INPP5A: variants seen among roughly 807,000 people sequenced by gnomAD.
The protein encoded by INPP5A is inositol polyphosphate-5-phosphatase A, also known as 43 kDa inositol polyphosphate 5-phophatase.
In INPP5A, 14 loss-of-function variants were observed where a neutral mutation model predicts 65.2. The observed-to-expected ratio is 0.21, with a 90% CI of 0.14 to 0.34. INPP5A has a LOEUF of 0.34. Among genes scored for constraint, INPP5A ranks in the 10% least tolerant of loss-of-function variants. The pLI is 1.00. For synonymous variants in INPP5A, 207 were observed against 208.3 expected (o/e 0.99, Z 0.05); for missense variants, 431 against 545.6 (o/e 0.79, Z 2.09).
chr10:132,677,496 C>T (rs915917052), intron 4 of INPP5A, among the ~76,000 whole-genome samples: 1 of 152,206 alleles, frequency 6.6e-6, no homozygotes, highest in African/African-American at 2.4e-5. Flanking sequence ...TGACTTTGCC[C>T]CCGCAGTGTG....
chr10:132,642,949 G>A (rs1327629778), intron 2 of INPP5A, among the ~76,000 whole-genome samples: 2 of 152,192 alleles, frequency 1.3e-5, no homozygotes, highest in Non-Finnish European at 2.9e-5. Context: ...CTGAGCTCAC[G>A]TTCCGTCCAG....
At chr10:132,681,582 C>G (rs2073045697) in intron 4 of INPP5A, among the ~76,000 whole-genome samples, 2 of 152,204 alleles carry the variant, frequency 1.3e-5, no homozygotes, top group African/African-American at 4.8e-5. Flanking sequence ...CCACCAATTC[C>G]GGACACAATA....
At chr10:132,568,065 C>T (rs2071293511) in intron 1 of INPP5A, among the ~76,000 whole-genome samples, 2 of 151,948 alleles carry the variant, frequency 1.3e-5, no homozygotes, top group South Asian at 2.1e-4. Flanking sequence ...GTGGTGCGTG[C>T]CTGTAGTCCC....
chr10:132,696,609 G>A (rs1845348005), intron 5 of INPP5A, among the ~76,000 whole-genome samples: 1 of 152,214 alleles, frequency 6.6e-6, no homozygotes, highest in South Asian at 2.1e-4. Flanking sequence ...GTGACACTCT[G>A]GAAAAGGCAG....
intron 11 of INPP5A, among the ~76,000 whole-genome samples, chr10:132,751,753 G>T (rs112847534): frequency 1.4e-5 from 2 of 146,918 alleles, no homozygotes; most frequent in African/African-American, 2.6e-5. Flanking sequence ...AGGTGTCTTC[G>T]TGGAGGCGAG....
At chr10:132,726,795 G>A (rs1465805152) in intron 8 of INPP5A, 26 bp from the exon 9 acceptor site, 3 of 1,567,348 alleles carry the variant, frequency 1.9e-6, no homozygotes, top group East Asian at 2.3e-5. Context: ...AGCGCCCTCG[G>A]TAACAAGTCC....
chr10:132,654,448 T>G (rs1201218730), intron 4 of INPP5A, among the ~76,000 whole-genome samples: 1 of 152,202 alleles, frequency 6.6e-6, no homozygotes, highest in African/African-American at 2.4e-5. Flanking sequence ...CTGGCAGACC[T>G]CGGAACGCTG....
rs1346972379 is a variant in INPP5A at position 132,546,047 on chromosome 10, G to A, written c.75+7876G>A. 2.6e-5 allele frequency among the ~76,000 whole-genome samples: 4 copies of A among 152,208 alleles called. No homozygotes were observed. The highest frequency in any genetic ancestry group is 5.9e-5 in the Non-Finnish European group (4 of 68,036). On this transcript the variant is annotated intron_variant, in intron 1 of 15. Coordinates refer to ENST00000368594, the MANE Select transcript of INPP5A (RefSeq NM_005539.5). This position sits in a 1 kb window ranked among gnomAD's most constrained non-coding sequence, Gnocchi z 5.7. ...CTTGTGTACGGGGGCCGGCAGCACC[G>A]TTGTGTTGGGATGAGTGGCCGAGGC... is the stretch of plus-strand genomic sequence containing the variant.
chr10:132,723,791 G>T (rs558039723), intron 8 of INPP5A, among the ~76,000 whole-genome samples: 1 of 152,270 alleles, frequency 6.6e-6, no homozygotes, highest in African/African-American at 2.4e-5. Flanking sequence ...CCTCCCTCGG[G>T]AGCCTCTGTG....
At chr10:132,746,435 C>T (rs115941759) in intron 9 of INPP5A, among the ~76,000 whole-genome samples, 342 of 152,294 alleles carry the variant, frequency 2.2e-3, no homozygotes, top group African/African-American at 7.8e-3. Context: ...CACATTGGGG[C>T]GACTCTGCCT....
chr10:132,629,975 T>C (rs2072242944), intron 2 of INPP5A, among the ~76,000 whole-genome samples: 1 of 151,280 alleles, frequency 6.6e-6, no homozygotes, highest in South Asian at 2.1e-4. Context: ...AAAGCGTTCT[T>C]GAGGGAACGT....
chr10:132,688,591 AT>A (rs774328124), intron 4 of INPP5A, among the ~76,000 whole-genome samples: 4 of 152,192 alleles, frequency 2.6e-5, no homozygotes, highest in Non-Finnish European at 5.9e-5. Flanking sequence ...GCAAGAGTGC[AT>A]GAGTGCGTGT....
Position 132,625,713 on chromosome 10 carries a change from G to A in INPP5A, c.117+17757G>A, listed in dbSNP as rs546270180. Among the ~76,000 whole-genome samples the A allele has an allele frequency of 3.3e-5, 5 of 152,268 alleles. No individual in the cohort carries two copies. In the South Asian group the frequency reaches 8.3e-4, roughly 25 times the overall value. On this transcript the variant is annotated intron_variant, in intron 2 of 15. Coordinates refer to ENST00000368594, the MANE Select transcript of INPP5A (RefSeq NM_005539.5). ...ACTCTCAGTTCCTTTCTTTGGCTGAGGTCAGGGGCGTGCCTTGGCCCTGGG... is the reference window on the plus strand; with the variant it reads ...ACTCTCAGTTCCTTTCTTTGGCTGAAGTCAGGGGCGTGCCTTGGCCCTGGG...
At chr10:132,750,665 C>T (rs1311875938) in intron 11 of INPP5A, among the ~76,000 whole-genome samples, 3 of 152,366 alleles carry the variant, frequency 2.0e-5, no homozygotes, top group Non-Finnish European at 4.4e-5. Flanking sequence ...TATGCGGCCT[C>T]GGCCGATTTC....
intron 4 of INPP5A, among the ~76,000 whole-genome samples, chr10:132,686,403 A>G (rs2073114057): frequency 6.6e-6 from 1 of 152,260 alleles, no homozygotes; most frequent in African/African-American, 2.4e-5. Flanking sequence ...GCGAGGAGTC[A>G]TTATTCTCAG....
Position 132,671,375 on chromosome 10 carries a change from T to C in INPP5A, c.307-19017T>C, listed in dbSNP as rs995934198. On this transcript the variant is annotated intron_variant, in intron 4 of 15. Transcript: ENST00000368594. ...TGCTTCGGACTCCGCCCTCCCTGCT[T>C]CGGACTCCGCCCTCCCTGCTCTGGA... Among the ~76,000 whole-genome samples the C allele has an allele frequency of 8.3e-3, 1,169 of 140,832 alleles. 33 individuals are homozygous for C. Among genetic ancestry groups the C allele is most frequent in the Admixed American group, 0.066 (810 of 12,262 alleles). 92.4% of individuals were successfully genotyped at this position (140,832 alleles called of 152,430 possible).
rs562479277 is a variant in INPP5A at position 132,718,640 on chromosome 10, T to G, written c.648-8181T>G. On this transcript the variant is annotated intron_variant, in intron 8 of 15. Transcript: ENST00000368594. ...AGGGTTCTGTGGTGCCTGGTTTCTG[T>G]CTGGGCGCCTTAGATGCTGTCTTCA... Among the ~76,000 whole-genome samples, 2 of 146,274 alleles carry G rather than the reference T, an allele frequency of 1.4e-5. 1 individual carries two copies. The highest frequency in any genetic ancestry group is 3.0e-5 in the Non-Finnish European group (2 of 66,716).
At chr10:132,726,745 G>C in intron 8 of INPP5A, 76 bp from the exon 9 acceptor site, 1 of 1,001,064 alleles carries the variant, frequency 1.0e-6, no homozygotes, top group Non-Finnish European at 1.5e-6. Context: ...TGGGGAGCGT[G>C]GAGGAGCACC....
At chr10:132,577,062 A>C (rs927613933) in intron 1 of INPP5A, among the ~76,000 whole-genome samples, 1 of 152,174 alleles carries the variant, frequency 6.6e-6, no homozygotes, top group Non-Finnish European at 1.5e-5. Flanking sequence ...GACCTCTGAA[A>C]GGTGGCAGGA....
Sources: gnomAD v4.1 joint callset for allele counts (sites outside exome capture counted in the v4.1 genomes callset) on GRCh38, gnomAD v4.1.1 for gene constraint, Gnocchi (gnomAD v3.1) non-coding constraint, MANE v1.5 for transcripts, NCBI Gene and HGNC (gene_info 2026-07-23, HGNC 2026-07-21) for gene names.